AGBL4: variants seen among roughly 807,000 people sequenced by gnomAD.
The protein encoded by AGBL4 is AGBL carboxypeptidase 4, also known as cytosolic carboxypeptidase 6.
Under a neutral mutation model 66.4 loss-of-function variants are expected in AGBL4, and 58 were observed. The ratio of observed to expected loss-of-function variants is 0.87; its 90% confidence interval spans 0.71 to 1.09. The LOEUF (loss-of-function observed/expected upper bound fraction) is 1.09, where lower values mean the gene tolerates loss of function less well. Ranked by LOEUF, AGBL4 falls within the 50% of genes least tolerant of loss-of-function variation. The pLI is 0.00. For synonymous variants in AGBL4, 234 were observed against 222.9 expected (o/e 1.05, Z -0.44); for missense variants, 579 against 631.0 (o/e 0.92, Z 0.88).
At chr1:49,753,228 G>A (rs2147842907) in intron 2 of AGBL4, among the ~76,000 whole-genome samples, 1 of 152,310 alleles carries the variant, frequency 6.6e-6, no homozygotes, top group East Asian at 1.9e-4. Flanking sequence ...TCCATATTTA[G>A]TGCTTCCTTC....
chr1:49,626,069 G>A (rs1645457956), intron 3 of AGBL4, among the ~76,000 whole-genome samples: 1 of 152,160 alleles, frequency 6.6e-6, no homozygotes, highest in Non-Finnish European at 1.5e-5. Flanking sequence ...GAGTGTTAAT[G>A]TGTGGCATCA....
intron 1 of AGBL4, among the ~76,000 whole-genome samples, chr1:49,936,366 G>C (rs1470388921): frequency 6.6e-6 from 1 of 152,144 alleles, no homozygotes; most frequent in African/African-American, 2.4e-5. Context: ...TCTGATTGGG[G>C]TACCTTAAAG....
chr1:48,929,445 C>A (rs1343921505), intron 5 of AGBL4, among the ~76,000 whole-genome samples: 1 of 152,178 alleles, frequency 6.6e-6, no homozygotes, highest in African/African-American at 2.4e-5. Context: ...CTTTTAAAAT[C>A]AACTTATTTT....
chr1:49,855,388 G>T (rs4926835), intron 1 of AGBL4, among the ~76,000 whole-genome samples: 103,841 of 152,002 alleles, frequency 0.68, 36,193 homozygotes, highest in African/African-American at 0.77. Context: ...TTATCTGCAC[G>T]ATAGACCAAA....
At chr1:49,440,250 A>G (rs1645997266) in intron 3 of AGBL4, among the ~76,000 whole-genome samples, 1 of 151,954 alleles carries the variant, frequency 6.6e-6, no homozygotes, top group Non-Finnish European at 1.5e-5. Flanking sequence ...TTGTATATTT[A>G]GTAGAGACAG....
chr1:49,741,634 C>T (rs929671975), intron 2 of AGBL4, among the ~76,000 whole-genome samples: 3 of 152,180 alleles, frequency 2.0e-5, no homozygotes, highest in South Asian at 4.1e-4. Flanking sequence ...TGATGAACAT[C>T]GATGCAAAAA....
chr1:48,934,003 A>G (rs1362339012), intron 5 of AGBL4, among the ~76,000 whole-genome samples: 1 of 152,186 alleles, frequency 6.6e-6, no homozygotes, highest in Non-Finnish European at 1.5e-5. Flanking sequence ...GACGTTGCTC[A>G]CCCATTTAGT....
At chr1:48,689,203 CAAAAAAAA>C (rs939955179) in intron 6 of AGBL4, among the ~76,000 whole-genome samples, 1 of 53,346 alleles carries the variant, frequency 1.9e-5, no homozygotes, top group African/African-American at 5.9e-5. Context: ...GACCCGGTCT[CAAAAAAAA>C]AAAAAAAAAA....
At chr1:49,967,508 T>A (rs1657665710) in intron 1 of AGBL4, among the ~76,000 whole-genome samples, 1 of 151,256 alleles carries the variant, frequency 6.6e-6, no homozygotes. Flanking sequence ...TACCGGGGCC[T>A]GTCAGGAGGT....
chr1:48,810,751 C>T (rs565549104), intron 6 of AGBL4, among the ~76,000 whole-genome samples: 4 of 152,300 alleles, frequency 2.6e-5, no homozygotes, highest in African/African-American at 9.6e-5. Context: ...TGGCCTAGCC[C>T]AGCCTATACT....
At chr1:49,306,711 A>C (rs1644854397) in intron 3 of AGBL4, among the ~76,000 whole-genome samples, 1 of 152,202 alleles carries the variant, frequency 6.6e-6, no homozygotes, top group Non-Finnish European at 1.5e-5. Context: ...GTTTTCCTAG[A>C]AGCATGTGTG....
chr1:48,644,326 T>C (rs956848754), intron 8 of AGBL4, among the ~76,000 whole-genome samples: 2 of 152,332 alleles, frequency 1.3e-5, no homozygotes, highest in African/African-American at 4.8e-5. Flanking sequence ...ATATTTTCTC[T>C]GACTTTCCCT....
At chr1:49,942,785 T>TG (rs1387511647) in intron 1 of AGBL4, among the ~76,000 whole-genome samples, 1 of 152,100 alleles carries the variant, frequency 6.6e-6, no homozygotes, top group East Asian at 1.9e-4. Flanking sequence ...TTTTTGTACA[T>TG]GGTATCAAAA....
chr1:49,626,581 A>G (rs1645467574), intron 3 of AGBL4, among the ~76,000 whole-genome samples: 1 of 152,072 alleles, frequency 6.6e-6, no homozygotes, highest in Admixed American at 6.6e-5. Flanking sequence ...TACTCCATTC[A>G]TGTGGTCATC....
chr1:48,562,127 G>T (rs58061572), intron 11 of AGBL4, among the ~76,000 whole-genome samples: 2 of 152,176 alleles, frequency 1.3e-5, no homozygotes, highest in African/African-American at 2.4e-5. Flanking sequence ...GCTTCCTGAA[G>T]AATGTTCCTC....
At chr1:48,684,374 TTC>T (rs1646498947) in intron 6 of AGBL4, among the ~76,000 whole-genome samples, 1 of 152,190 alleles carries the variant, frequency 6.6e-6, no homozygotes, top group South Asian at 2.1e-4. Context: ...AATCCAAACA[TTC>T]TCTGTCTTCA....
At chr1:48,626,798 G>A (rs1645510167) in intron 9 of AGBL4, among the ~76,000 whole-genome samples, 2 of 152,200 alleles carry the variant, frequency 1.3e-5, no homozygotes. Context: ...ACATGGGGAT[G>A]GAACAAAGGT....
intron 3 of AGBL4, among the ~76,000 whole-genome samples, chr1:49,664,938 T>C (rs1271033898): frequency 6.6e-6 from 1 of 152,122 alleles, no homozygotes; most frequent in African/African-American, 2.4e-5. Flanking sequence ...ATCTCCTTCA[T>C]GCCACGGTAA....
At chr1:48,641,349 T>A (rs915510746) in intron 8 of AGBL4, among the ~76,000 whole-genome samples, 3 of 143,576 alleles carry the variant, frequency 2.1e-5, no homozygotes, top group Non-Finnish European at 3.1e-5. Context: ...GGCAGTGTCC[T>A]TTGTCCCAAA....
Sources: allele counts gnomAD v4.1 joint callset (sites outside exome capture counted in the v4.1 genomes callset), GRCh38; gene constraint gnomAD v4.1.1; transcripts MANE v1.5; gene names NCBI Gene and HGNC (gene_info 2026-07-23, HGNC 2026-07-21).